The following TXNRD1 variants were observed in gnomAD, a reference collection of about 807,000 sequenced individuals.
TXNRD1 encodes thioredoxin reductase 1, also known as thioredoxin reductase 1, cytoplasmic.
In TXNRD1, 57 loss-of-function variants were observed where a neutral mutation model predicts 80.3. The observed-to-expected ratio is 0.71, with a 90% CI of 0.57 to 0.89. TXNRD1 has a LOEUF of 0.89. TXNRD1 is among the 40% of genes least tolerant of loss of function. TXNRD1 has a pLI of 0.00. For synonymous variants in TXNRD1, 291 were observed against 285.2 expected (o/e 1.02, Z -0.20); for missense variants, 730 against 803.0 (o/e 0.91, Z 1.10).
chr12:104,278,501 ATTT>A (rs34336501), intron 3 of TXNRD1, among the ~76,000 whole-genome samples: 2 of 105,132 alleles, frequency 1.9e-5, no homozygotes, highest in Non-Finnish European at 3.6e-5. Flanking sequence ...GCCCAGCCTA[ATTT>A]TTTTTTTTTT....
At chr12:104,315,566 TTTTG>T (rs2035295940) in intron 6 of TXNRD1, among the ~76,000 whole-genome samples, 2 of 152,190 alleles carry the variant, frequency 1.3e-5, no homozygotes, top group South Asian at 4.1e-4. Flanking sequence ...CCTCTTTTTG[TTTTG>T]TTTTAGGATG....
intron 4 of TXNRD1, chr12:104,309,857 A>G (rs2035064262): frequency 6.5e-7 from 1 of 1,535,566 alleles, no homozygotes; most frequent in African/African-American, 1.4e-5. Context: ...GCAGACTGTC[A>G]GAGTGGTGCA....
At chr12:104,227,741 T>C (rs915603281) in intron 1 of TXNRD1, among the ~76,000 whole-genome samples, 6 of 152,228 alleles carry the variant, frequency 3.9e-5, no homozygotes, top group African/African-American at 9.6e-5. Flanking sequence ...TCCATCAATA[T>C]AGTTTTGTCT....
chr12:104,268,179 CTCTT>C (rs916202781), intron 3 of TXNRD1, among the ~76,000 whole-genome samples: 12 of 130,838 alleles, frequency 9.2e-5, no homozygotes, highest in African/African-American at 3.1e-4. Flanking sequence ...CTCTGTCTCT[CTCTT>C]TCTTTCTTTT....
intron 3 of TXNRD1, among the ~76,000 whole-genome samples, chr12:104,273,882 T>G (rs543608596): frequency 6.6e-6 from 1 of 152,112 alleles, no homozygotes; most frequent in East Asian, 2.0e-4. Context: ...CAACCCTGTC[T>G]CTACTAAAAA....
At chr12:104,257,537 G>T (rs1051749126) in intron 2 of TXNRD1, among the ~76,000 whole-genome samples, 2 of 151,546 alleles carry the variant, frequency 1.3e-5, no homozygotes, top group Non-Finnish European at 2.9e-5. Context: ...CTCCCGAGTA[G>T]CTGAGATTAC....
chr12:104,280,900 T>C (rs1428100947), intron 3 of TXNRD1, among the ~76,000 whole-genome samples: 1 of 152,214 alleles, frequency 6.6e-6, no homozygotes, highest in African/African-American at 2.4e-5. Context: ...AATCTCTCTA[T>C]ATATACATGT....
chr12:104,323,453 G>C (rs1361006616), intron 10 of TXNRD1, among the ~76,000 whole-genome samples: 1 of 142,958 alleles, frequency 7.0e-6, no homozygotes, highest in Non-Finnish European at 1.5e-5. Flanking sequence ...GGGCAGAGGG[G>C]CTCCTCACTT....
At chr12:104,309,828 C>G (rs1019772257) in intron 4 of TXNRD1, 11 of 1,535,176 alleles carry the variant, frequency 7.2e-6, no homozygotes, top group Non-Finnish European at 9.6e-6. Flanking sequence ...TTACCAGCCT[C>G]TTGTGCTAGA....
At chr12:104,216,774 C>T (rs779913359) in intron 1 of TXNRD1, among the ~76,000 whole-genome samples, 1 of 152,250 alleles carries the variant, frequency 6.6e-6, no homozygotes, top group Non-Finnish European at 1.5e-5. Flanking sequence ...GCCGCCTCCA[C>T]CTTTTTTATA....
At chr12:104,232,050 T>C (rs1335244904) in intron 1 of TXNRD1, among the ~76,000 whole-genome samples, 1 of 152,240 alleles carries the variant, frequency 6.6e-6, no homozygotes, top group Non-Finnish European at 1.5e-5. Context: ...TTTAGTCTTA[T>C]ACTTGGCCTG....
chr12:104,254,708 G>A (rs1227687149), intron 2 of TXNRD1, among the ~76,000 whole-genome samples: 2 of 147,638 alleles, frequency 1.4e-5, no homozygotes, highest in Non-Finnish European at 3.0e-5. Context: ...CTTCTCAGGA[G>A]GCTGAGGTGA....
chr12:104,225,171 G>A (rs1345802570), intron 1 of TXNRD1, among the ~76,000 whole-genome samples: 3 of 152,150 alleles, frequency 2.0e-5, no homozygotes, highest in African/African-American at 7.2e-5. Flanking sequence ...ACTTCTGAGA[G>A]CTTTAATAAA....
intron 11 of TXNRD1, among the ~76,000 whole-genome samples, chr12:104,326,013 C>T (rs1186968132): frequency 6.6e-6 from 1 of 152,112 alleles, no homozygotes; most frequent in Non-Finnish European, 1.5e-5. Context: ...GTGTTCTTTC[C>T]TTTCATCTCC....
At chr12:104,252,654 A>ATT (rs1565863182) in intron 2 of TXNRD1, among the ~76,000 whole-genome samples, 3 of 9,920 alleles carry the variant, frequency 3.0e-4, no homozygotes, top group Admixed American at 1.2e-3. Flanking sequence ...AGGTTAATTT[A>ATT]TTATTTTTTA....
intron 3 of TXNRD1, among the ~76,000 whole-genome samples, chr12:104,261,755 A>C (rs2033372831): frequency 6.6e-6 from 1 of 152,038 alleles, no homozygotes; most frequent in Non-Finnish European, 1.5e-5. Context: ...TCTTCTCACT[A>C]TGTTTATTTA....
At chr12:104,344,082 C>G (rs139569401) in intron 16 of TXNRD1, among the ~76,000 whole-genome samples, 2 of 151,800 alleles carry the variant, frequency 1.3e-5, no homozygotes, top group African/African-American at 2.4e-5. Flanking sequence ...CAGCCTGGAG[C>G]GAGACTCTAT....
At chr12:104,246,281 A>T (rs1275739754) in intron 1 of TXNRD1, among the ~76,000 whole-genome samples, 1 of 147,732 alleles carries the variant, frequency 6.8e-6, no homozygotes, top group Non-Finnish European at 1.5e-5. Flanking sequence ...CAAAAAAATT[A>T]GCCAGGCATG....
intron 4 of TXNRD1, among the ~76,000 whole-genome samples, chr12:104,307,740 C>T (rs12305275): frequency 0.014 from 2,137 of 152,228 alleles, 49 homozygotes; most frequent in African/African-American, 0.049. Context: ...AGTTGAATTG[C>T]TTTCTGTTTT....
Sources: allele counts gnomAD v4.1 joint callset (sites outside exome capture counted in the v4.1 genomes callset), GRCh38; gene constraint gnomAD v4.1.1; transcripts MANE v1.5; gene names NCBI Gene and HGNC (gene_info 2026-07-23, HGNC 2026-07-21).